The following ZDBF2 variants were observed in gnomAD, a reference collection of about 807,000 sequenced individuals.
The protein encoded by ZDBF2 is DBF4-type zinc finger-containing protein 2.
ZDBF2 carries 6 observed loss-of-function variants against 9.4 expected under a neutral mutation model. The ratio of observed to expected loss-of-function variants is 0.64; its 90% CI spans 0.35 to 1.27. The LOEUF (loss-of-function observed/expected upper bound fraction) is 1.27, where lower values mean the gene tolerates loss of function less well. Ranked by LOEUF, ZDBF2 falls within the 50% of genes most tolerant of loss-of-function variation. ZDBF2 has a pLI of 0.03. For missense variants in ZDBF2, 2,697 were observed against 2,766.8 expected (o/e 0.97, Z 0.57); for synonymous variants, 905 against 946.3 (o/e 0.96, Z 0.80).
rs763841319 is a variant in ZDBF2, at chr2:206,306,003, C to G, written c.1475C>G (p.Ser492Cys). 1.2e-6 allele frequency: 2 copies of G among 1,613,128 alleles called. No homozygotes were observed. The highest frequency in any genetic ancestry group is 1.7e-6 in the Non-Finnish European group (2 of 1,179,544). The part of the protein sequence containing the change: ...LVDQSYESSS[S>C]ETNFDCDASP... ...GACCAAAGCTATGAATCTAGTAGTT[C>G]TGAAACGAATTTTGATTGTGATGCT... The change falls in exon 5 of 5, where the codon TCT becomes TGT. Residue 492 changes from serine (S) to cysteine (C), a missense_variant. Physicochemically the swap from Ser to Cys is moderately radical, Grantham distance 112. This residue lies in a region of ZDBF2 where 910 missense variants were observed against 973.6 expected (regional missense o/e 0.93). Coordinates refer to ENST00000374423, the MANE Select transcript of ZDBF2 (RefSeq NM_020923.3).
At position 206,279,520 on chromosome 2, in the gene ZDBF2, G is replaced by A. The variant is rs1691202440; in HGVS notation, c.-102-20G>A. ...ACTTATGGGACCTCTTCTAAAAAAT[G>A]ATTTTATTTTAATTTACAGATACTT... On this transcript the variant is annotated intron_variant, in intron 1 of 4. Coordinates refer to ENST00000374423, the MANE Select transcript of ZDBF2 (RefSeq NM_020923.3). 1 of 152,060 alleles carries A rather than the reference G, an allele frequency of 6.6e-6. No homozygotes were observed. Among genetic ancestry groups the A allele is most frequent in the Admixed American group, 6.5e-5 (1 of 15,272 alleles). The allele number at this position is 152,060 out of a possible 1,614,324, so 9.4% of individuals were successfully genotyped here. A position where few individuals can be genotyped will look rare whatever the true frequency, so the allele number is the denominator to read the frequency against.
At position 206,279,541 on chromosome 2, in the gene ZDBF2, T is replaced by C. The variant is rs1691203291; in HGVS notation, c.-101T>C. 6.6e-6 allele frequency: 1 copy of C among 152,198 alleles called. No homozygotes were observed. The highest frequency in any genetic ancestry group is 2.1e-4 in the South Asian group (1 of 4,830). 9.4% of individuals were successfully genotyped at this position (152,198 alleles called of 1,614,324 possible). ...AAATGATTTTATTTTAATTTACAGA[T>C]ACTTGCCAGAACTAATACAGCTGAT... On this transcript the variant is annotated splice_region_variant and 5_prime_UTR_variant, in exon 2 of 5. Transcript: ENST00000374423.
At position 206,281,659 on chromosome 2, in the gene ZDBF2, T is replaced by A. The variant is rs185282334; in HGVS notation, c.-49-142T>A. 6.1e-5 allele frequency: 33 copies of A among 536,872 alleles called. No individual in the cohort carries two copies. In the Admixed American group the frequency reaches 8.2e-4, roughly 13 times the overall value. The allele number at this position is 536,872 out of a possible 1,614,324, so 33.3% of individuals were successfully genotyped here. ...TTCTTGTCTCTGCTCCAGGTTCACTTATTTATTCAGTGGCTCATGGCAGCC... is the reference window on the plus strand; with the variant it reads ...TTCTTGTCTCTGCTCCAGGTTCACTAATTTATTCAGTGGCTCATGGCAGCC... On this transcript the variant is annotated intron_variant, in intron 2 of 4. Coordinates refer to ENST00000374423, the MANE Select transcript of ZDBF2 (RefSeq NM_020923.3).
At chr2:206,285,009 G>A (rs1371334472) in intron 3 of ZDBF2, among the ~76,000 whole-genome samples, 2 of 152,154 alleles carry the variant, frequency 1.3e-5, no homozygotes, top group Admixed American at 6.5e-5. Flanking sequence ...GATTACAGGC[G>A]TGAGCCACTG....
At chr2:206,275,812 A>G (rs867170609) in intron 1 of ZDBF2, among the ~76,000 whole-genome samples, 3 of 152,212 alleles carry the variant, frequency 2.0e-5, no homozygotes, top group African/African-American at 7.2e-5. Flanking sequence ...ATTAATACAC[A>G]AACATATATA....
chr2:206,293,494 A>G (rs1692004640), intron 3 of ZDBF2, among the ~76,000 whole-genome samples: 1 of 152,196 alleles, frequency 6.6e-6, no homozygotes, highest in South Asian at 2.1e-4. Flanking sequence ...AAGTGAAAAG[A>G]AGCTGCAGAG....
intron 2 of ZDBF2, 54 bp from the exon 3 acceptor site, chr2:206,281,747 T>G (rs190554329): frequency 5.3e-5 from 57 of 1,069,554 alleles, no homozygotes; most frequent in Non-Finnish European, 6.8e-5. Context: ...ATAGCCATTT[T>G]CCTCATAAGA....
rs962007862 is a variant in ZDBF2 at position 206,311,281 on chromosome 2, G to A, written c.6753G>A (p.Lys2251=). ...RSAFLGRYLK[K]KKSVVSRLKK... is the part of the protein sequence containing the mutation. ...CTTTTCTTGGAAGGTATCTGAAGAA[G>A]AAAAAATCTGTTGTCAGTAGGCTAA... The change falls in exon 5 of 5, where the codon AAG becomes AAA. Residue 2251 remains lysine, a synonymous_variant. Coordinates refer to ENST00000374423, the MANE Select transcript of ZDBF2 (RefSeq NM_020923.3). The A allele has an allele frequency of 1.9e-6, 3 of 1,608,782 alleles. No individual in the cohort carries two copies. The East Asian group carries it at 6.7e-5, about 36-fold the overall frequency.
At chr2:206,281,993 T>C in intron 3 of ZDBF2, 84 bp downstream of exon 3, 1 of 1,222,224 alleles carries the variant, frequency 8.2e-7, no homozygotes, top group Non-Finnish European at 1.2e-6. Context: ...AATTTATTTA[T>C]TCATTGAACA....
intron 3 of ZDBF2, among the ~76,000 whole-genome samples, chr2:206,287,837 C>T (rs1426541994): frequency 6.6e-6 from 1 of 151,968 alleles, no homozygotes; most frequent in Non-Finnish European, 1.5e-5. Context: ...TTTATCAAAT[C>T]TGCTATTGAA....
At position 206,309,956 on chromosome 2, in the gene ZDBF2, G is replaced by A. The variant is rs1693065398; in HGVS notation, c.5428G>A (p.Asp1810Asn). 2 of 1,613,570 alleles carry A rather than the reference G, an allele frequency of 1.2e-6. No individual in the cohort carries two copies. Among genetic ancestry groups the A allele is most frequent in the East Asian group, 2.2e-5 (1 of 44,874 alleles). ...GAAAAAAGCAAAGGATGTCATAGAGGATAATCCTGATGAACCAGTTCTTGA... is the reference window on the plus strand; with the variant it reads ...GAAAAAAGCAAAGGATGTCATAGAGAATAATCCTGATGAACCAGTTCTTGA... ...NLKKAKDVIE[D>N]NPDEPVLEAL... The change falls in exon 5 of 5, where the codon GAT becomes AAT. Residue 1810 changes from aspartate to asparagine, a missense_variant. Around this residue, in one of 3 missense-constraint regions of ZDBF2, gnomAD observed 1,783 missense variants for 1,776.5 expected, o/e 1.00. Coordinates refer to ENST00000374423, the MANE Select transcript of ZDBF2 (RefSeq NM_020923.3).
In ZDBF2 at chr2:206,310,634, G is replaced by A. The variant is rs1693115704; in HGVS notation, c.6106G>A (p.Asp2036Asn). 6.2e-7 allele frequency: 1 copy of A among 1,609,142 alleles called. No individual in the cohort carries two copies. Among genetic ancestry groups the A allele is most frequent in the Admixed American group, 1.7e-5 (1 of 59,120 alleles). ...CCCTAAAATGAGGCACCATAGTTGG[G>A]ATAATGATATTCGGTTTATATGCAA... ...PFPKMRHHSWDNDIRFICKYK... is the reference protein window; with the variant it reads ...PFPKMRHHSWNNDIRFICKYK... Residue 2036 changes from aspartate to asparagine, a missense_variant, in exon 5 of 5, where the codon GAT (aspartate) becomes AAT (asparagine). Around this residue, in one of 3 missense-constraint regions of ZDBF2, gnomAD observed 1,783 missense variants for 1,776.5 expected, o/e 1.00. Transcript: ENST00000374423.
At position 206,305,720 on chromosome 2, in the gene ZDBF2, A is replaced by G; in HGVS notation, c.1192A>G (p.Asn398Asp). 1 of 1,613,790 alleles carries G rather than the reference A, an allele frequency of 6.2e-7. No homozygotes were observed. The highest frequency in any genetic ancestry group is 1.1e-5 in the South Asian group (1 of 91,076). The stretch of plus-strand genomic sequence containing the variant: ...GGAGGAGCAAATTGACCAAGAAGAT[A>G]ACTATGAGTCTAGAGGTTCAGAAAT... ...WKEEQIDQED[N>D]YESRGSEMSF... Residue 398 changes from asparagine to aspartate, a missense_variant, in exon 5 of 5, where the codon AAC (asparagine) becomes GAC (aspartate). By Grantham distance (23) the Asn-to-Asp change is conservative. Transcript: ENST00000374423.
At chr2:206,297,798 G>A (rs1182581413) in intron 4 of ZDBF2, among the ~76,000 whole-genome samples, 2 of 152,122 alleles carry the variant, frequency 1.3e-5, no homozygotes, top group Non-Finnish European at 2.9e-5. Flanking sequence ...TCCTGCCTCA[G>A]CCTCCCGAGT....
rs150078995 is a variant in ZDBF2, at chr2:206,298,851, G to T, written c.188+1478G>T. Among the ~76,000 whole-genome samples the T allele has an allele frequency of 4.8e-4, 73 of 151,824 alleles. No homozygotes were observed. The East Asian group carries it at 0.014, about 29-fold the overall frequency. On this transcript the variant is annotated intron_variant, in intron 4 of 4. Coordinates refer to ENST00000374423, the MANE Select transcript of ZDBF2 (RefSeq NM_020923.3). The stretch of plus-strand genomic sequence containing the variant: ...CCAATGTATAACTCTCATAAGCAGT[G>T]CTTCAGCAAACATGTTTTTACATGA...
rs1690897755 is a variant in ZDBF2 at position 206,274,962 on chromosome 2, G to A, written c.-103+16G>A. On this transcript the variant is annotated intron_variant, in intron 1 of 4. Transcript: ENST00000374423. ...CTCCGCGGAGGTGAGTGCCGCGGCG[G>A]GGGCGGGGCGCGGCCGGGGCGACGC... The A allele has an allele frequency of 6.7e-6, 1 of 150,020 alleles. No homozygotes were observed. The highest frequency in any genetic ancestry group is 2.1e-4 in the South Asian group (1 of 4,836). 9.3% of individuals were successfully genotyped at this position (150,020 alleles called of 1,614,324 possible). A position where few individuals can be genotyped will look rare whatever the true frequency, so the allele number is the denominator to read the frequency against.
Position 206,305,788 on chromosome 2 carries a change from A to G in ZDBF2, c.1260A>G (p.Gln420=). ...CSSSFHSLTD[Q]SKVSAKEVNL... ...CCTCTTTTCATTCACTGACTGACCAATCTAAAGTGAGTGCCAAAGAAGTAA... is the reference window on the plus strand; with the variant it reads ...CCTCTTTTCATTCACTGACTGACCAGTCTAAAGTGAGTGCCAAAGAAGTAA... Residue 420 remains glutamine (Q), a synonymous_variant, in exon 5 of 5, where the codon CAA becomes CAG. Coordinates refer to ENST00000374423, the MANE Select transcript of ZDBF2 (RefSeq NM_020923.3). The G allele has an allele frequency of 1.2e-6, 2 of 1,613,764 alleles. No individual in the cohort carries two copies. The highest frequency in any genetic ancestry group is 1.1e-5 in the South Asian group (1 of 91,080).
chr2:206,295,286 T>G (rs1006761949), intron 3 of ZDBF2, among the ~76,000 whole-genome samples: 1 of 152,074 alleles, frequency 6.6e-6, no homozygotes, highest in African/African-American at 2.4e-5. Flanking sequence ...AGAGTTAGAT[T>G]CAAATCCTGG....
chr2:206,293,064 T>TA (rs1263634068), intron 3 of ZDBF2, among the ~76,000 whole-genome samples: 1 of 152,108 alleles, frequency 6.6e-6, no homozygotes, highest in Admixed American at 6.6e-5. Context: ...TACTAAAACT[T>TA]ATGAAACTTT....
Sources: allele counts gnomAD v4.1 joint callset (sites outside exome capture counted in the v4.1 genomes callset), GRCh38; gene constraint gnomAD v4.1.1; regional missense constraint gnomAD v4.1.1; transcripts MANE v1.5; gene names NCBI Gene and HGNC (gene_info 2026-07-23, HGNC 2026-07-21).